The following MRPL1 variants were observed in gnomAD, a reference collection of about 807,000 sequenced individuals.
MRPL1 encodes the protein large ribosomal subunit protein uL1m.
MRPL1 carries 28 observed loss-of-function variants against 38.0 expected under a neutral mutation model. That is an observed-to-expected ratio of 0.74 (90% confidence interval 0.55 to 1.01). The LOEUF is 1.01. Ranked by LOEUF, MRPL1 falls within the 50% of genes least tolerant of loss-of-function variation. MRPL1 has a pLI of 0.00. For missense variants in MRPL1, 358 were observed against 389.8 expected (o/e 0.92, Z 0.69); for synonymous variants, 123 against 126.7 (o/e 0.97, Z 0.20).
rs1578033507 is a variant in MRPL1, at chr4:77,862,837, G to A, written c.-12G>A. 1.2e-6 allele frequency: 2 copies of A among 1,614,022 alleles called. No homozygotes were observed. The highest frequency in any genetic ancestry group is 1.6e-4 in the Middle Eastern group (1 of 6,062). On this transcript the variant is annotated 5_prime_UTR_variant, in exon 1 of 9. Coordinates refer to ENST00000315567, the MANE Select transcript of MRPL1 (RefSeq NM_020236.4). ...AGGAACAATTTCGTGAACGCAATCC[G>A]GAGTGCCCAACATGGCGGCGGCCGT...
intron 7 of MRPL1, among the ~76,000 whole-genome samples, chr4:77,946,610 C>T (rs535739083): frequency 6.6e-6 from 1 of 152,310 alleles, no homozygotes; most frequent in African/African-American, 2.4e-5. Flanking sequence ...ATTTTGGGAA[C>T]TGATATATGT....
intron 5 of MRPL1, among the ~76,000 whole-genome samples, chr4:77,892,940 C>T (rs1422412594): frequency 1.3e-5 from 2 of 151,424 alleles, no homozygotes; most frequent in African/African-American, 4.9e-5. Context: ...ATGCTTGGCA[C>T]ATGAGAAGTG....
chr4:77,887,352 T>C (rs1298519369), intron 5 of MRPL1, 61 bp downstream of exon 5: 3 of 1,312,710 alleles, frequency 2.3e-6, no homozygotes, highest in African/African-American at 2.9e-5. Flanking sequence ...TTACCATTCA[T>C]TGATCTGTTA....
chr4:77,893,827 T>C (rs1560464202), intron 5 of MRPL1, among the ~76,000 whole-genome samples: 1 of 152,202 alleles, frequency 6.6e-6, no homozygotes, highest in Non-Finnish European at 1.5e-5. Context: ...GAATTTAACT[T>C]TGTGGGATTC....
At chr4:77,937,441 C>A (rs1560474850) in intron 7 of MRPL1, among the ~76,000 whole-genome samples, 1 of 152,182 alleles carries the variant, frequency 6.6e-6, no homozygotes, top group Non-Finnish European at 1.5e-5. Context: ...CTTTTCCAGG[C>A]CTAACTGCTC....
intron 7 of MRPL1, among the ~76,000 whole-genome samples, chr4:77,918,163 T>C (rs1736467252): frequency 1.3e-5 from 2 of 151,886 alleles, no homozygotes; most frequent in Admixed American, 1.3e-4. Flanking sequence ...CAAGGATGGG[T>C]TCTAGGAGGA....
At chr4:77,882,109 C>T (rs575140173) in intron 2 of MRPL1, among the ~76,000 whole-genome samples, 4 of 152,272 alleles carry the variant, frequency 2.6e-5, no homozygotes, top group African/African-American at 4.8e-5. Flanking sequence ...ACAGTGGCAG[C>T]GTTGAGTCAT....
intron 7 of MRPL1, among the ~76,000 whole-genome samples, chr4:77,943,115 TTG>T (rs1350686864): frequency 6.6e-6 from 1 of 152,156 alleles, no homozygotes; most frequent in African/African-American, 2.4e-5. Context: ...CTGAAAAAGA[TTG>T]TGTATTTCCT....
At chr4:77,931,055 T>C (rs1265749534) in intron 7 of MRPL1, among the ~76,000 whole-genome samples, 1 of 152,182 alleles carries the variant, frequency 6.6e-6, no homozygotes, top group Non-Finnish European at 1.5e-5. Flanking sequence ...TTGCAATGGG[T>C]GATTCACATT....
At chr4:77,921,772 GTT>G (rs36001019) in intron 7 of MRPL1, among the ~76,000 whole-genome samples, 44 of 144,018 alleles carry the variant, frequency 3.1e-4, no homozygotes, top group Admixed American at 5.6e-4. Context: ...TTCGTGCAGA[GTT>G]TTTTTTTTTT....
intron 2 of MRPL1, among the ~76,000 whole-genome samples, chr4:77,880,486 C>G (rs1735513469): frequency 6.9e-6 from 1 of 144,052 alleles, no homozygotes; most frequent in Admixed American, 6.9e-5. Context: ...CTTATCTCGT[C>G]TGCAAGGTCT....
intron 6 of MRPL1, among the ~76,000 whole-genome samples, chr4:77,904,895 A>G (rs958797972): frequency 6.6e-6 from 1 of 152,374 alleles, no homozygotes; most frequent in Middle Eastern, 3.4e-3. Flanking sequence ...AAATTCTAGA[A>G]GAAAATTTTT....
intron 2 of MRPL1, among the ~76,000 whole-genome samples, chr4:77,873,934 A>G (rs1328653553): frequency 1.5e-4 from 22 of 151,662 alleles, no homozygotes. Flanking sequence ...ATGTAAGTAC[A>G]TGAGTATATT....
At chr4:77,899,954 G>A (rs955597806) in intron 6 of MRPL1, among the ~76,000 whole-genome samples, 1 of 152,126 alleles carries the variant, frequency 6.6e-6, no homozygotes, top group Non-Finnish European at 1.5e-5. Flanking sequence ...ATCTCTCTTT[G>A]TCTTGTCTTT....
intron 2 of MRPL1, among the ~76,000 whole-genome samples, chr4:77,876,294 A>T (rs953346351): frequency 6.6e-6 from 1 of 152,150 alleles, no homozygotes; most frequent in Non-Finnish European, 1.5e-5. Flanking sequence ...TTTCTGGCTT[A>T]TGCCTTTTGC....
intron 2 of MRPL1, among the ~76,000 whole-genome samples, chr4:77,879,399 G>A (rs1248896419): frequency 6.6e-6 from 1 of 152,080 alleles, no homozygotes; most frequent in Non-Finnish European, 1.5e-5. Flanking sequence ...CTTTAAATAT[G>A]TTGTGAAACA....
At chr4:77,901,483 C>G (rs1208661090) in intron 6 of MRPL1, among the ~76,000 whole-genome samples, 1 of 150,646 alleles carries the variant, frequency 6.6e-6, no homozygotes, top group Non-Finnish European at 1.5e-5. Context: ...AAAAAAAAAC[C>G]CAACTATATG....
At chr4:77,925,134 C>T (rs888841197) in intron 7 of MRPL1, among the ~76,000 whole-genome samples, 2 of 152,198 alleles carry the variant, frequency 1.3e-5, no homozygotes, top group South Asian at 2.1e-4. Flanking sequence ...TTTTCTAAAC[C>T]ACTTGAAAGT....
chr4:77,873,041 A>C (rs990027035), intron 2 of MRPL1, among the ~76,000 whole-genome samples: 2 of 152,182 alleles, frequency 1.3e-5, no homozygotes, highest in African/African-American at 4.8e-5. Flanking sequence ...CAAAAATAAA[A>C]TAAGATAAGA....
Sources: allele counts gnomAD v4.1 joint callset (sites outside exome capture counted in the v4.1 genomes callset), GRCh38; gene constraint gnomAD v4.1.1; transcripts MANE v1.5; gene names NCBI Gene and HGNC (gene_info 2026-07-23, HGNC 2026-07-21).